Variants in GPHN observed in about 807,000 individuals in gnomAD.
GPHN encodes gephyrin.
In GPHN, 17 loss-of-function variants were observed where a neutral mutation model predicts 95.5. The ratio of observed to expected loss-of-function variants is 0.18; its 90% confidence interval spans 0.12 to 0.27. The LOEUF (loss-of-function observed/expected upper bound fraction) is 0.27, where lower values mean the gene tolerates loss of function less well. Ranked by LOEUF, GPHN falls within the 10% of genes least tolerant of loss-of-function variation. GPHN has a pLI of 1.00. For missense variants in GPHN, 660 were observed against 978.1 expected, an observed-to-expected ratio of 0.67 and a Z score of 4.34; for synonymous variants, 320 against 322.5, an observed-to-expected ratio of 0.99 and a Z score of 0.08.
chr14:67,237,144 A>G, the GPHN span, among the ~76,000 whole-genome samples: 1 of 151,926 alleles, frequency 6.6e-6, no homozygotes, highest in Non-Finnish European at 1.5e-5. Flanking sequence ...TACTATTCGT[A>G]GGTAATTTTT....
chr14:67,054,604 T>C (rs552943172), intron 10 of GPHN, among the ~76,000 whole-genome samples: 2 of 152,218 alleles, frequency 1.3e-5, no homozygotes, highest in African/African-American at 4.8e-5. Flanking sequence ...AAAACTACTT[T>C]AAAGTTCATA....
chr14:66,705,359 C>T (rs1230826798), intron 2 of GPHN, among the ~76,000 whole-genome samples: 3 of 133,642 alleles, frequency 2.2e-5, no homozygotes, highest in Non-Finnish European at 4.6e-5. Context: ...AGAGACACAA[C>T]AAAAAAAGAA....
intron 2 of GPHN, among the ~76,000 whole-genome samples, chr14:66,752,804 G>A (rs752220725): frequency 2.0e-5 from 3 of 151,668 alleles, no homozygotes; most frequent in Admixed American, 6.6e-5. Flanking sequence ...ACAATAAAGC[G>A]AAGCACAATA....
At chr14:66,633,094 T>C (rs1160656647) in intron 1 of GPHN, among the ~76,000 whole-genome samples, 2 of 152,212 alleles carry the variant, frequency 1.3e-5, no homozygotes, top group Non-Finnish European at 2.9e-5. Flanking sequence ...CTTATATTAC[T>C]GTCTTCTGTC....
At chr14:66,585,858 A>G (rs1595092576) in intron 1 of GPHN, among the ~76,000 whole-genome samples, 2 of 152,240 alleles carry the variant, frequency 1.3e-5, no homozygotes, top group East Asian at 3.9e-4. Flanking sequence ...AGAAGAATAT[A>G]TATTCTGTTG....
the GPHN span, among the ~76,000 whole-genome samples, chr14:67,703,544 C>T: frequency 6.6e-6 from 1 of 152,168 alleles, no homozygotes; most frequent in Non-Finnish European, 1.5e-5. Context: ...AGACAGAGAA[C>T]TTAGACGATC....
At chr14:67,486,156 C>T in the GPHN span, among the ~76,000 whole-genome samples, 422 of 152,368 alleles carry the variant, frequency 2.8e-3, 2 homozygotes, top group Admixed American at 4.2e-3. Flanking sequence ...ACCCAAATCT[C>T]ATCTTGAATT....
chr14:67,145,478 A>G (rs962706895), intron 18 of GPHN, among the ~76,000 whole-genome samples: 1 of 152,210 alleles, frequency 6.6e-6, no homozygotes, highest in African/African-American at 2.4e-5. Flanking sequence ...GTATAATAAG[A>G]TACTTACACT....
intron 6 of GPHN, 148 bp from the exon 7 acceptor site, chr14:66,922,518 T>C (rs1034946260): frequency 1.6e-6 from 1 of 637,664 alleles, no homozygotes; most frequent in Non-Finnish European, 2.7e-6. Flanking sequence ...TCATGGCATA[T>C]TGCTAAGACA....
intron 10 of GPHN, among the ~76,000 whole-genome samples, chr14:67,039,002 T>C (rs963759332): frequency 1.3e-5 from 2 of 152,226 alleles, no homozygotes; most frequent in African/African-American, 4.8e-5. Context: ...ATAATTGCTC[T>C]TCCTATCTTC....
intron 8 of GPHN, among the ~76,000 whole-genome samples, chr14:66,963,821 T>C (rs1453785557): frequency 6.6e-6 from 1 of 152,168 alleles, no homozygotes; most frequent in Non-Finnish European, 1.5e-5. Flanking sequence ...GATGTTGGTA[T>C]AGAAACTAAA....
chr14:66,728,240 G>T (rs544069781), intron 2 of GPHN, among the ~76,000 whole-genome samples: 2 of 152,100 alleles, frequency 1.3e-5, no homozygotes, highest in Non-Finnish European at 2.9e-5. Context: ...GAAGTTTGCT[G>T]CAGGGGTGGG....
intron 18 of GPHN, 95 bp downstream of exon 18, chr14:67,143,544 G>A (rs908175319): frequency 2.2e-5 from 18 of 826,664 alleles, no homozygotes; most frequent in Middle Eastern, 2.2e-4. Context: ...TATTCATAAC[G>A]AGGCTCCCAC....
At chr14:67,597,553 G>T in the GPHN span, among the ~76,000 whole-genome samples, 1 of 152,118 alleles carries the variant, frequency 6.6e-6, no homozygotes, top group South Asian at 2.1e-4. Flanking sequence ...TTTGTTGATT[G>T]ATGAATGGAG....
chr14:67,585,429 T>C, the GPHN span: 10 of 654,764 alleles, frequency 1.5e-5, no homozygotes, highest in Non-Finnish European at 2.7e-5. Flanking sequence ...TGTACAAATA[T>C]CATCTTTGTT....
At chr14:67,006,241 G>A (rs1436327125) in intron 9 of GPHN, among the ~76,000 whole-genome samples, 1 of 151,942 alleles carries the variant, frequency 6.6e-6, no homozygotes, top group African/African-American at 2.4e-5. Context: ...AGATTCATGT[G>A]GTCTTTTTAT....
the GPHN span, among the ~76,000 whole-genome samples, chr14:67,635,051 C>T: frequency 0.016 from 2,402 of 152,094 alleles, 73 homozygotes; most frequent in African/African-American, 0.054. Flanking sequence ...TTGAGACCAG[C>T]CTCGGTAAAA....
the GPHN span, among the ~76,000 whole-genome samples, chr14:67,608,408 G>C: frequency 3.2e-3 from 481 of 152,268 alleles, 21 homozygotes; most frequent in East Asian, 0.082. Flanking sequence ...GGATTGCATA[G>C]GCTATATGCA....
chr14:66,624,379 A>G lies in GPHN; in HGVS notation c.65-56728A>G, dbSNP rs370702306. On this transcript the variant is annotated intron_variant, in intron 1 of 22. Coordinates refer to ENST00000478722, the MANE Select transcript of GPHN (RefSeq NM_020806.5). ...TGAATTCAACTGCTAGATTTGAGGA[A>G]AGTTTACCAAGGGATATGATGTTAA... Among the ~76,000 whole-genome samples the G allele has an allele frequency of 5.0e-4, 76 of 152,326 alleles. No homozygotes were observed. The East Asian group carries it at 0.011, about 23-fold the overall frequency.
Sources: allele counts gnomAD v4.1 joint callset (sites outside exome capture counted in the v4.1 genomes callset), GRCh38; gene constraint gnomAD v4.1.1; transcripts MANE v1.5; gene names NCBI Gene and HGNC (gene_info 2026-07-23, HGNC 2026-07-21).